The following PPEF1 variants were observed in gnomAD, a reference collection of about 807,000 sequenced individuals.
The protein encoded by PPEF1 is serine/threonine-protein phosphatase with EF-hands 1.
PPEF1 carries 12 observed loss-of-function variants against 53.3 expected under a neutral mutation model. The observed-to-expected ratio is 0.23, with a 90% CI of 0.14 to 0.36. The LOEUF (loss-of-function observed/expected upper bound fraction) is 0.36, where lower values mean the gene tolerates loss of function less well. Ranked by LOEUF, PPEF1 falls within the 10% of genes least tolerant of loss-of-function variation. The pLI is 1.00. For synonymous variants in PPEF1, 165 were observed against 176.7 expected (o/e 0.93, Z 0.52); for missense variants, 334 against 490.4 (o/e 0.68, Z 3.01).
At chrX:18,728,298 T>TA (rs1451933537) in intron 1 of PPEF1, among the ~76,000 whole-genome samples, 1 of 110,788 alleles carries the variant, frequency 9.0e-6, no homozygotes, top group Non-Finnish European at 1.9e-5. Flanking sequence ...TTAATGGACT[T>TA]ATGGTTCCAC....
chrX:18,727,463 A>G (rs2044734725), intron 1 of PPEF1, among the ~76,000 whole-genome samples: 1 of 111,060 alleles, frequency 9.0e-6, no homozygotes, highest in Admixed American at 9.6e-5. Context: ...GTGTAGGGAA[A>G]ATCTTTTTCC....
intron 3 of PPEF1, among the ~76,000 whole-genome samples, chrX:18,687,683 TTC>T (rs1397505718): frequency 1.6e-5 from 1 of 63,608 alleles, no homozygotes; most frequent in African/African-American, 6.9e-5. Flanking sequence ...TTAAATATTC[TTC>T]TTTTTTTTTT....
intron 6 of PPEF1, among the ~76,000 whole-genome samples, 187 bp downstream of exon 6, chrX:18,761,763 T>A (rs1217131360): frequency 9.0e-6 from 1 of 110,755 alleles, no homozygotes; most frequent in African/African-American, 3.3e-5. Flanking sequence ...CATAAATTTT[T>A]AAAAAATTGT....
At chrX:18,710,572 A>G (rs2044300949) in intron 1 of PPEF1, among the ~76,000 whole-genome samples, 1 of 112,302 alleles carries the variant, frequency 8.9e-6, no homozygotes, top group Non-Finnish European at 1.9e-5. Flanking sequence ...AACACACGAA[A>G]AAAATGCTCA....
intron 4 of PPEF1, among the ~76,000 whole-genome samples, chrX:18,752,379 G>A (rs1018701249): frequency 9.0e-6 from 1 of 111,335 alleles, no homozygotes; most frequent in African/African-American, 3.3e-5. Flanking sequence ...GTGTGTGTGT[G>A]TGTATGTGTG....
At chrX:18,697,712 A>T (rs377705021) in intron 4 of PPEF1, 4 of 111,660 alleles carry the variant, frequency 3.6e-5, no homozygotes. Context: ...TCAATATCCA[A>T]TCATGTGTAT....
intron 4 of PPEF1, among the ~76,000 whole-genome samples, chrX:18,692,092 A>G (rs187911608): frequency 2.7e-5 from 3 of 111,908 alleles, no homozygotes; most frequent in Non-Finnish European, 5.6e-5. Context: ...CACTTCAGCT[A>G]TTGTCAGCAA....
Position 18,685,082 on chromosome X carries a change from C to T in PPEF1, c.-520+313C>T, listed in dbSNP as rs1463613494. 9.8e-5 allele frequency among the ~76,000 whole-genome samples: 11 copies of T among 112,272 alleles called. No homozygotes were observed. The East Asian group carries it at 3.1e-3, about 31-fold the overall frequency. ...GGTGATGGAAATGGAATGGGTTACT[C>T]CCTCGACTCCCACAACACTTACTGC... is the stretch of plus-strand genomic sequence containing the variant. On this transcript the variant is annotated intron_variant, in intron 2 of 21. Transcript: ENST00000361511.
In PPEF1 at chrX:18,779,036, G is replaced by A. The variant is rs759551640; in HGVS notation, c.585G>A (p.Pro195=). 1.1e-5 allele frequency: 13 copies of A among 1,199,127 alleles called. No homozygotes were observed. Among genetic ancestry groups the A allele is most frequent in the South Asian group, 1.8e-5 (1 of 56,104 alleles). Residue 195 remains proline (P), a synonymous_variant, in exon 7 of 16, where the codon CCG becomes CCA. Transcript: ENST00000470157. The stretch of plus-strand genomic sequence containing the variant: ...ATGGTCTCCCCTCAGAGAGGAACCC[G>A]TATGTTTTTAATGGTGACTTTGTAG... ...YKNGLPSERN[P]YVFNGDFVDR...
At chrX:18,771,883 G>T (rs1009140919) in intron 6 of PPEF1, among the ~76,000 whole-genome samples, 1 of 111,717 alleles carries the variant, frequency 9.0e-6, no homozygotes, top group Non-Finnish European at 1.9e-5. Context: ...GGGAGGTTGA[G>T]GTGGGTGGAT....
At chrX:18,820,548 G>T (rs1251191950) in intron 13 of PPEF1, among the ~76,000 whole-genome samples, 1 of 110,736 alleles carries the variant, frequency 9.0e-6, no homozygotes, top group Non-Finnish European at 1.9e-5. Flanking sequence ...ACCACGCCCA[G>T]CTAATTTTTT....
intron 8 of PPEF1, among the ~76,000 whole-genome samples, chrX:18,783,525 C>T (rs1046960264): frequency 1.8e-5 from 2 of 110,823 alleles, no homozygotes; most frequent in Non-Finnish European, 3.8e-5. Flanking sequence ...CGAGACCAGC[C>T]TGGCCAACAT....
At chrX:18,740,195 C>T (rs2045114040) in intron 3 of PPEF1, among the ~76,000 whole-genome samples, 1 of 112,368 alleles carries the variant, frequency 8.9e-6, no homozygotes, top group Non-Finnish European at 1.9e-5. Flanking sequence ...ACAGAAATCA[C>T]CTGTCTTCTG....
intron 3 of PPEF1, among the ~76,000 whole-genome samples, chrX:18,737,066 T>G (rs1181383207): frequency 8.9e-6 from 1 of 111,762 alleles, no homozygotes; most frequent in African/African-American, 3.2e-5. Flanking sequence ...TTTGTTGATC[T>G]TTTCAAAACA....
chrX:18,772,427 A>G (rs781041095), intron 6 of PPEF1, among the ~76,000 whole-genome samples: 180 of 111,342 alleles, frequency 1.6e-3, no homozygotes, highest in African/African-American at 5.6e-3. Context: ...TGTATATTCA[A>G]TTTTCCCATA....
chrX:18,820,670 C>T (rs778514800), intron 13 of PPEF1, among the ~76,000 whole-genome samples: 1 of 110,423 alleles, frequency 9.1e-6, no homozygotes, highest in East Asian at 2.9e-4. Flanking sequence ...CAAGCGTGAG[C>T]CACCGCGCCT....
intron 1 of PPEF1, among the ~76,000 whole-genome samples, chrX:18,727,283 G>T (rs1377227029): frequency 1.8e-5 from 2 of 111,001 alleles, no homozygotes; most frequent in East Asian, 5.7e-4. Flanking sequence ...GTACCATTGT[G>T]CTTGTGAGTA....
chrX:18,799,576 C>T (rs1465366425), intron 10 of PPEF1, among the ~76,000 whole-genome samples: 1 of 111,648 alleles, frequency 9.0e-6, no homozygotes, highest in East Asian at 2.8e-4. Flanking sequence ...CCTCGAAGCA[C>T]ACTTTTGGAG....
intron 2 of PPEF1, among the ~76,000 whole-genome samples, chrX:18,730,771 A>G (rs986054062): frequency 1.9e-5 from 2 of 107,145 alleles, no homozygotes; most frequent in Admixed American, 1.0e-4. Context: ...CTGGAGTGCA[A>G]TGGCACGGTC....
Sources: allele counts gnomAD v4.1 joint callset (sites outside exome capture counted in the v4.1 genomes callset), GRCh38; gene constraint gnomAD v4.1.1; transcripts MANE v1.5; gene names NCBI Gene and HGNC (gene_info 2026-07-23, HGNC 2026-07-21).